Variants in LINGO2 observed in about 807,000 individuals in gnomAD.
LINGO2 encodes the protein leucine-rich repeat and immunoglobulin-like domain-containing nogo receptor-interacting protein 2.
LINGO2 carries 14 observed loss-of-function variants against 30.6 expected under a neutral mutation model. That is an observed-to-expected ratio of 0.46 (90% CI 0.30 to 0.72). The LOEUF (loss-of-function observed/expected upper bound fraction) is 0.72. Ranked by LOEUF, LINGO2 falls within the 30% of genes least tolerant of loss-of-function variation. The pLI is 0.07. For missense variants in LINGO2, 729 were observed against 751.7 expected, an observed-to-expected ratio of 0.97 and a Z score of 0.35; for synonymous variants, 317 against 288.5, an observed-to-expected ratio of 1.10 and a Z score of -1.00.
chr9:29,156,277 A>G, the LINGO2 span, among the ~76,000 whole-genome samples: 1 of 152,228 alleles, frequency 6.6e-6, no homozygotes, highest in East Asian at 1.9e-4. Flanking sequence ...GCCCCATTAG[A>G]CTTTTCACAA....
At chr9:28,540,632 C>A (rs1453456627) in intron 1 of LINGO2, among the ~76,000 whole-genome samples, 1 of 152,104 alleles carries the variant, frequency 6.6e-6, no homozygotes, top group Admixed American at 6.6e-5. Flanking sequence ...TATTATCACT[C>A]TTCATAACAG....
At chr9:29,132,114 G>A in the LINGO2 span, among the ~76,000 whole-genome samples, 11 of 151,808 alleles carry the variant, frequency 7.2e-5, no homozygotes, top group Admixed American at 6.6e-4. Context: ...ATCCCCAATA[G>A]GTAGGGAGTG....
intron 1 of LINGO2, among the ~76,000 whole-genome samples, chr9:28,658,284 CCTGTGTTTCT>C (rs1477265158): frequency 6.6e-6 from 1 of 151,962 alleles, no homozygotes; most frequent in African/African-American, 2.4e-5. Flanking sequence ...TTGTTCAAGT[CCTGTGTTTCT>C]CTGATCTGGC....
chr9:28,588,236 G>A (rs1824666826), intron 1 of LINGO2, among the ~76,000 whole-genome samples: 1 of 151,734 alleles, frequency 6.6e-6, no homozygotes, highest in South Asian at 2.1e-4. Context: ...ATGTGGAAGA[G>A]TTAATATGGT....
intron 4 of LINGO2, among the ~76,000 whole-genome samples, chr9:28,180,871 TAA>T (rs1828891892): frequency 6.6e-6 from 1 of 151,984 alleles, no homozygotes; most frequent in African/African-American, 2.4e-5. Context: ...AGCATTTGCC[TAA>T]AAGAGGGAAA....
intron 5 of LINGO2, among the ~76,000 whole-genome samples, chr9:27,991,838 TAA>T (rs1025680094): frequency 1.3e-5 from 2 of 152,074 alleles, no homozygotes; most frequent in African/African-American, 4.8e-5. Flanking sequence ...GCAGTCATAT[TAA>T]AATATTATAT....
intron 2 of LINGO2, among the ~76,000 whole-genome samples, chr9:28,468,039 C>T (rs1447791868): frequency 1.3e-5 from 2 of 152,002 alleles, no homozygotes; most frequent in African/African-American, 4.8e-5. Flanking sequence ...AAGCTCAAAG[C>T]CCTTTTATCC....
At chr9:28,587,703 A>G (rs1824632499) in intron 1 of LINGO2, among the ~76,000 whole-genome samples, 1 of 151,864 alleles carries the variant, frequency 6.6e-6, no homozygotes, top group African/African-American at 2.4e-5. Context: ...GATGCCACGT[A>G]GGCCAGGAGA....
At chr9:28,216,865 A>C (rs760385829) in intron 4 of LINGO2, among the ~76,000 whole-genome samples, 18 of 151,872 alleles carry the variant, frequency 1.2e-4, no homozygotes, top group Non-Finnish European at 2.1e-4. Flanking sequence ...CCATCATATA[A>C]AAGAAAAAAG....
chr9:28,056,619 G>A (rs1366389538), intron 4 of LINGO2, among the ~76,000 whole-genome samples: 1 of 152,094 alleles, frequency 6.6e-6, no homozygotes, highest in Admixed American at 6.6e-5. Flanking sequence ...GCAGGACCTA[G>A]CAAGAAAACC....
At chr9:28,532,006 T>G (rs1821252906) in intron 1 of LINGO2, among the ~76,000 whole-genome samples, 1 of 152,186 alleles carries the variant, frequency 6.6e-6, no homozygotes, top group Admixed American at 6.5e-5. Context: ...TGGGAGCATT[T>G]TACCTTATTT....
intron 3 of LINGO2, among the ~76,000 whole-genome samples, chr9:28,365,344 A>G (rs1282165072): frequency 2.0e-5 from 3 of 152,166 alleles, no homozygotes; most frequent in Non-Finnish European, 2.9e-5. Flanking sequence ...GTGTCATGCT[A>G]AAGAGCCTGG....
rs114484476 is a variant in LINGO2, at chr9:28,595,071, T to C, written c.-365+75129A>G. Among the ~76,000 whole-genome samples the C allele has an allele frequency of 5.9e-3, 896 of 152,134 alleles. 11 individuals carry two copies. Among genetic ancestry groups the C allele is most frequent in the African/African-American group, 0.021 (863 of 41,552 alleles). On this transcript the variant is annotated intron_variant, in intron 1 of 5. Coordinates refer to ENST00000379992, the Ensembl canonical transcript of LINGO2. ...CAGAATGGATATTCATGAGCATAAATAGTCAATATTGGCTCTAGGAAATCA... is the reference window on the plus strand; with the variant it reads ...CAGAATGGATATTCATGAGCATAAACAGTCAATATTGGCTCTAGGAAATCA...
chr9:28,197,273 A>C (rs1360379558), intron 4 of LINGO2, among the ~76,000 whole-genome samples: 1 of 151,998 alleles, frequency 6.6e-6, no homozygotes, highest in Non-Finnish European at 1.5e-5. Flanking sequence ...ATATGCAAGG[A>C]TTCCTGGAAA....
chr9:27,977,783 G>C (rs1482476246), intron 5 of LINGO2, among the ~76,000 whole-genome samples: 1 of 150,096 alleles, frequency 6.7e-6, no homozygotes. Context: ...ATGCTTCCCA[G>C]GGGAAAGAAA....
At chr9:28,360,175 T>C (rs988422298) in intron 3 of LINGO2, among the ~76,000 whole-genome samples, 1 of 152,196 alleles carries the variant, frequency 6.6e-6, no homozygotes, top group Non-Finnish European at 1.5e-5. Context: ...ATATAATGTA[T>C]TATTTTATTA....
chr9:28,749,967 T>C, the LINGO2 span, among the ~76,000 whole-genome samples: 1 of 152,116 alleles, frequency 6.6e-6, no homozygotes, highest in African/African-American at 2.4e-5. Context: ...TAAGTAGTTC[T>C]AGGATTAGCT....
the LINGO2 span, among the ~76,000 whole-genome samples, chr9:28,739,443 T>G: frequency 1.3e-5 from 2 of 151,800 alleles, no homozygotes; most frequent in Non-Finnish European, 3.0e-5. Context: ...CAAATAGAAA[T>G]CATGAATGAA....
At chr9:28,895,823 G>A in the LINGO2 span, among the ~76,000 whole-genome samples, 1 of 152,008 alleles carries the variant, frequency 6.6e-6, no homozygotes, top group African/African-American at 2.4e-5. Flanking sequence ...GACAAAGGAG[G>A]CAGAGCAGAT....
Sources: gnomAD v4.1 joint callset for allele counts (sites outside exome capture counted in the v4.1 genomes callset) on GRCh38, gnomAD v4.1.1 for gene constraint, MANE v1.5 for transcripts, NCBI Gene and HGNC (gene_info 2026-07-23, HGNC 2026-07-21) for gene names.